Variants in DOK6 observed in about 807,000 individuals in gnomAD.
DOK6 encodes docking protein 6.
DOK6 carries 22 observed loss-of-function variants against 44.0 expected under a neutral mutation model. The observed-to-expected ratio is 0.50, with a 90% CI of 0.36 to 0.71. DOK6 has a LOEUF of 0.71. DOK6 is among the 30% of genes least tolerant of loss of function. The probability of loss-of-function intolerance (pLI) is 0.00; values close to 1 mark genes in which losing one functional copy is unlikely to be tolerated. For synonymous variants in DOK6, 166 were observed against 145.5 expected, an observed-to-expected ratio of 1.14 and a Z score of -1.01; for missense variants, 340 against 416.4, an observed-to-expected ratio of 0.82 and a Z score of 1.60.
At chr18:69,822,830 G>A (rs1981616996) in intron 7 of DOK6, among the ~76,000 whole-genome samples, 1 of 152,110 alleles carries the variant, frequency 6.6e-6, no homozygotes, top group Non-Finnish European at 1.5e-5. Flanking sequence ...TATACTTGTT[G>A]GGACCAGTGT....
At chr18:69,767,056 G>A (rs1486812813) in intron 7 of DOK6, among the ~76,000 whole-genome samples, 1 of 151,954 alleles carries the variant, frequency 6.6e-6, no homozygotes, top group Non-Finnish European at 1.5e-5. Context: ...GCAAAACCCT[G>A]TCTCTACTAA....
At chr18:69,758,708 T>G (rs1168513426) in intron 7 of DOK6, among the ~76,000 whole-genome samples, 1 of 152,208 alleles carries the variant, frequency 6.6e-6, no homozygotes, top group Non-Finnish European at 1.5e-5. Context: ...AACAAACATT[T>G]ATTGAGCACC....
At chr18:69,488,406 C>T (rs549592642) in intron 1 of DOK6, among the ~76,000 whole-genome samples, 1 of 152,286 alleles carries the variant, frequency 6.6e-6, no homozygotes, top group African/African-American at 2.4e-5. Flanking sequence ...CTTCCTGCTC[C>T]CCACTGGTGC....
chr18:69,786,933 T>C (rs150006395), intron 7 of DOK6, among the ~76,000 whole-genome samples: 7 of 152,316 alleles, frequency 4.6e-5, no homozygotes, highest in African/African-American at 1.7e-4. Flanking sequence ...TACAATCTGA[T>C]GGCCGGGCTT....
intron 1 of DOK6, among the ~76,000 whole-genome samples, chr18:69,513,958 T>C (rs1055288831): frequency 2.6e-5 from 4 of 152,164 alleles, no homozygotes; most frequent in Non-Finnish European, 5.9e-5. Context: ...AAAATACATA[T>C]TACCTCTAGT....
At chr18:69,458,886 G>A (rs1338005336) in intron 1 of DOK6, among the ~76,000 whole-genome samples, 1 of 152,144 alleles carries the variant, frequency 6.6e-6, no homozygotes, top group African/African-American at 2.4e-5. Context: ...GAGGTCAGGA[G>A]TTCAAGACCA....
chr18:69,678,624 T>C (rs1354780772), intron 4 of DOK6, among the ~76,000 whole-genome samples: 1 of 152,214 alleles, frequency 6.6e-6, no homozygotes, highest in Non-Finnish European at 1.5e-5. Context: ...TACACTGTTC[T>C]CTAGTTTAAC....
At chr18:69,566,720 A>G (rs917420996) in intron 2 of DOK6, among the ~76,000 whole-genome samples, 3 of 152,264 alleles carry the variant, frequency 2.0e-5, no homozygotes, top group Non-Finnish European at 4.4e-5. Flanking sequence ...CTTCAATTCA[A>G]TATAGCAAGT....
At chr18:69,479,664 G>A (rs1980364960) in intron 1 of DOK6, among the ~76,000 whole-genome samples, 1 of 151,930 alleles carries the variant, frequency 6.6e-6, no homozygotes, top group African/African-American at 2.4e-5. Context: ...ATTAACTTTG[G>A]CAAATTTTCA....
chr18:69,497,813 C>T (rs140675386), intron 1 of DOK6, among the ~76,000 whole-genome samples: 299 of 152,132 alleles, frequency 2.0e-3, no homozygotes, highest in African/African-American at 6.7e-3. Context: ...AGATGTGTTA[C>T]TTCATTCTAT....
intron 2 of DOK6, among the ~76,000 whole-genome samples, chr18:69,594,990 GA>G (rs1422732726): frequency 3.3e-5 from 5 of 152,172 alleles, no homozygotes; most frequent in Non-Finnish European, 7.4e-5. Context: ...AAGAGATCAA[GA>G]AGGCAGTCTC....
chr18:69,434,954 G>GGGAAGGAAGGAAGGAAGGAAGGAA (rs1167985373), intron 1 of DOK6, among the ~76,000 whole-genome samples: 7 of 62,920 alleles, frequency 1.1e-4, no homozygotes, highest in Non-Finnish European at 2.0e-4. Flanking sequence ...GAGGGAGGGA[G>GGGAAGGAAGGAAGGAAGGAAGGAA]GGAAGGAAGG....
At chr18:69,753,746 C>T (rs1200052960) in intron 6 of DOK6, among the ~76,000 whole-genome samples, 2 of 152,084 alleles carry the variant, frequency 1.3e-5, no homozygotes, top group East Asian at 1.9e-4. Flanking sequence ...GGAGAAGCAT[C>T]GCCTACAGGA....
At chr18:69,465,458 C>A (rs1303570595) in intron 1 of DOK6, among the ~76,000 whole-genome samples, 1 of 151,116 alleles carries the variant, frequency 6.6e-6, no homozygotes, top group Admixed American at 6.6e-5. Context: ...CCTCCCCGCT[C>A]CCCCCACCCC....
intron 1 of DOK6, among the ~76,000 whole-genome samples, chr18:69,534,760 C>T (rs1281885374): frequency 6.6e-6 from 1 of 152,036 alleles, no homozygotes; most frequent in Admixed American, 6.6e-5. Context: ...ATTCTTAATT[C>T]CAATACTTTT....
intron 4 of DOK6, among the ~76,000 whole-genome samples, chr18:69,683,127 A>G (rs552681495): frequency 3.3e-5 from 5 of 152,216 alleles, no homozygotes; most frequent in Admixed American, 1.3e-4. Context: ...CAATAATTTT[A>G]TCTATGGGAT....
At chr18:69,748,164 T>C (rs560347438) in intron 6 of DOK6, among the ~76,000 whole-genome samples, 2 of 152,018 alleles carry the variant, frequency 1.3e-5, no homozygotes, top group East Asian at 3.9e-4. Context: ...TACATAATGG[T>C]AAAGGGGTCA....
At chr18:69,758,879 G>A (rs942272585) in intron 7 of DOK6, among the ~76,000 whole-genome samples, 3 of 145,602 alleles carry the variant, frequency 2.1e-5, no homozygotes, top group Non-Finnish European at 4.6e-5. Flanking sequence ...AAATATTTCC[G>A]TTGCAAGCAA....
intron 7 of DOK6, among the ~76,000 whole-genome samples, chr18:69,768,250 C>A (rs571478963): frequency 6.6e-6 from 1 of 152,116 alleles, no homozygotes; most frequent in South Asian, 2.1e-4. Flanking sequence ...TTAATACAGA[C>A]AAATGTTAAT....
Sources: gnomAD v4.1 joint callset for allele counts (sites outside exome capture counted in the v4.1 genomes callset) on GRCh38, gnomAD v4.1.1 for gene constraint, MANE v1.5 for transcripts, NCBI Gene and HGNC (gene_info 2026-07-23, HGNC 2026-07-21) for gene names.